Variants in HORMAD2 observed in about 807,000 individuals in gnomAD.
HORMAD2 encodes the protein HORMA domain-containing protein 2.
A neutral mutation model predicts 38.8 loss-of-function variants in HORMAD2; 45 were observed. That is an observed-to-expected ratio of 1.16 (90% CI 0.91 to 1.49). The LOEUF (loss-of-function observed/expected upper bound fraction) is 1.49, where lower values mean the gene tolerates loss of function less well. Among genes scored for constraint, HORMAD2 ranks in the 40% most tolerant of loss-of-function variants. The probability of loss-of-function intolerance (pLI) is 0.00; values close to 1 mark genes in which losing one functional copy is unlikely to be tolerated. For synonymous variants in HORMAD2, 126 were observed against 122.8 expected (o/e 1.03, Z -0.17); for missense variants, 338 against 367.0 (o/e 0.92, Z 0.65).
At chr22:30,191,889 G>A in the HORMAD2 span, among the ~76,000 whole-genome samples, 4 of 152,054 alleles carry the variant, frequency 2.6e-5, no homozygotes, top group Non-Finnish European at 5.9e-5. Context: ...TGATTTTCCA[G>A]AATTTTATAT....
rs1355057145 is a variant in HORMAD2 at position 30,176,956 on chromosome 22, A to G, written c.*789A>G. On this transcript the variant is annotated 3_prime_UTR_variant, in exon 11 of 11. Coordinates refer to ENST00000336726, the MANE Select transcript of HORMAD2 (RefSeq NM_152510.4). ...ACTTAAAGTGTTATTTCTATTATTT[A>G]TATAACATGAGATTTAGTAACTTAT... 6.5e-6 allele frequency: 1 copy of G among 152,778 alleles called. No homozygotes were observed. The highest frequency in any genetic ancestry group is 6.5e-5 in the Admixed American group (1 of 15,282). The allele number at this position is 152,778 out of a possible 1,614,324, so 9.5% of individuals were successfully genotyped here.
At chr22:30,155,989 T>G (rs1925048943) in intron 10 of HORMAD2, among the ~76,000 whole-genome samples, 1 of 152,052 alleles carries the variant, frequency 6.6e-6, no homozygotes, top group Admixed American at 6.6e-5. Flanking sequence ...GCCTTGGGCC[T>G]TTTCCCCATG....
chr22:30,176,138 G>GT lies in HORMAD2; in HGVS notation c.896dup (p.Lys300GlufsTer6), dbSNP rs774746988. 4.3e-6 allele frequency: 7 copies of GT among 1,611,498 alleles called. No homozygotes were observed. The highest frequency in any genetic ancestry group is 5.9e-6 in the Non-Finnish European group (7 of 1,178,022). On this transcript the variant is annotated frameshift_variant, in exon 11 of 11. Transcript: ENST00000336726. LOFTEE classifies it high-confidence loss of function. ...GAAGAAGAGGAAGGTCAGTGAACCA[G>GT]TGAAGGTCTTCATCCCTAACAGAAA...
intron 10 of HORMAD2, among the ~76,000 whole-genome samples, chr22:30,142,303 A>G (rs1197147854): frequency 3.9e-5 from 6 of 152,082 alleles, no homozygotes; most frequent in Non-Finnish European, 1.5e-5. Context: ...AAGTAAATAT[A>G]TGGTTTATGC....
downstream of HORMAD2, among the ~76,000 whole-genome samples, chr22:30,179,695 A>G (rs894934876): frequency 2.0e-5 from 3 of 152,150 alleles, no homozygotes; most frequent in Admixed American, 2.0e-4. Flanking sequence ...ACCACTGGCT[A>G]TGTGTAAACT....
At chr22:30,169,046 G>T (rs572764087) in intron 10 of HORMAD2, among the ~76,000 whole-genome samples, 2 of 152,060 alleles carry the variant, frequency 1.3e-5, no homozygotes, top group Non-Finnish European at 2.9e-5. Context: ...CCCTGTACCT[G>T]TGCTCCTTCT....
chr22:30,085,388 T>G (rs1163539510), intron 1 of HORMAD2, among the ~76,000 whole-genome samples: 1 of 152,148 alleles, frequency 6.6e-6, no homozygotes, highest in Non-Finnish European at 1.5e-5. Flanking sequence ...AAATTGATGG[T>G]TTATACTATA....
chr22:30,186,270 G>A, the HORMAD2 span, among the ~76,000 whole-genome samples: 5 of 151,598 alleles, frequency 3.3e-5, no homozygotes, highest in Non-Finnish European at 7.4e-5. Context: ...AAAGGAAACA[G>A]CATCAGTGGT....
intron 1 of HORMAD2, among the ~76,000 whole-genome samples, chr22:30,081,652 T>C (rs1305411247): frequency 2.0e-5 from 3 of 152,108 alleles, no homozygotes; most frequent in Non-Finnish European, 4.4e-5. Flanking sequence ...CTCAGCTCAC[T>C]GCAACCTCCA....
chr22:30,090,555 T>C (rs1222870898), intron 1 of HORMAD2, among the ~76,000 whole-genome samples: 1 of 152,166 alleles, frequency 6.6e-6, no homozygotes, highest in Non-Finnish European at 1.5e-5. Context: ...TTTGAATATA[T>C]ACCTAGAGAT....
chr22:30,083,697 C>T (rs1168702125), intron 1 of HORMAD2, among the ~76,000 whole-genome samples: 1 of 152,062 alleles, frequency 6.6e-6, no homozygotes, highest in African/African-American at 2.4e-5. Flanking sequence ...CTCACTGCAA[C>T]CTCCACCTCC....
chr22:30,186,873 T>C, the HORMAD2 span, among the ~76,000 whole-genome samples: 1 of 144,998 alleles, frequency 6.9e-6, no homozygotes, highest in African/African-American at 2.5e-5. Context: ...CAATAAGGCT[T>C]GCCATAATTC....
chr22:30,198,711 C>T, the HORMAD2 span, among the ~76,000 whole-genome samples: 1 of 152,194 alleles, frequency 6.6e-6, no homozygotes, highest in Non-Finnish European at 1.5e-5. Flanking sequence ...CTTCACCCCA[C>T]ACTTCAGCAT....
At chr22:30,114,541 C>T (rs556213014) in intron 7 of HORMAD2, among the ~76,000 whole-genome samples, 93 of 152,324 alleles carry the variant, frequency 6.1e-4, no homozygotes, top group South Asian at 2.5e-3. Flanking sequence ...ACATAAACAT[C>T]GTCTTTGGCA....
chr22:30,158,704 TC>T (rs896818232), intron 10 of HORMAD2, among the ~76,000 whole-genome samples: 3 of 149,476 alleles, frequency 2.0e-5, no homozygotes, highest in African/African-American at 7.4e-5. Context: ...TTTCTTTCTT[TC>T]CAGGGTCTTG....
intron 10 of HORMAD2, among the ~76,000 whole-genome samples, chr22:30,160,922 A>C (rs1330635321): frequency 2.0e-5 from 3 of 152,230 alleles, no homozygotes; most frequent in Admixed American, 6.5e-5. Context: ...GTTTAGGTGC[A>C]TGCTCCTTAT....
At chr22:30,188,501 C>T in the HORMAD2 span, among the ~76,000 whole-genome samples, 766 of 152,292 alleles carry the variant, frequency 5.0e-3, 26 homozygotes, top group Admixed American at 0.046. Context: ...AAGAGGAGGG[C>T]CAAGGGCCAA....
intron 10 of HORMAD2, among the ~76,000 whole-genome samples, chr22:30,139,516 C>T (rs948052003): frequency 6.6e-6 from 1 of 151,622 alleles, no homozygotes; most frequent in African/African-American, 2.4e-5. Context: ...TGAGGATTTT[C>T]TATATACAAA....
chr22:30,183,183 C>A, the HORMAD2 span, among the ~76,000 whole-genome samples: 12 of 152,198 alleles, frequency 7.9e-5, no homozygotes, highest in South Asian at 2.1e-4. Flanking sequence ...GAAAAATCAA[C>A]CAGGAGACTA....
Sources: gnomAD v4.1 joint callset for allele counts (sites outside exome capture counted in the v4.1 genomes callset) on GRCh38, gnomAD v4.1.1 for gene constraint, MANE v1.5 for transcripts, NCBI Gene and HGNC (gene_info 2026-07-23, HGNC 2026-07-21) for gene names.